CCDC174: variants seen among roughly 807,000 people sequenced by gnomAD.
The protein encoded by CCDC174 is coiled-coil domain-containing protein 174.
CCDC174 carries 37 observed loss-of-function variants against 57.1 expected under a neutral mutation model. The ratio of observed to expected loss-of-function variants is 0.65; its 90% confidence interval spans 0.50 to 0.85. CCDC174 has a LOEUF of 0.85. Ranked by LOEUF, CCDC174 falls within the 40% of genes least tolerant of loss-of-function variation. CCDC174 has a pLI of 0.00. For missense variants in CCDC174, 540 were observed against 574.3 expected (o/e 0.94, Z 0.61); for synonymous variants, 182 against 190.2 (o/e 0.96, Z 0.35).
chr3:14,665,883 A>G (rs1039331735), intron 6 of CCDC174, among the ~76,000 whole-genome samples: 23 of 151,790 alleles, frequency 1.5e-4, no homozygotes, highest in African/African-American at 5.6e-4. Context: ...ACAAAAAAAA[A>G]AAAAATTAGC....
chr3:14,669,849 T>C, intron 9 of CCDC174, 85 bp from the exon 10 acceptor site: 2 of 1,395,158 alleles, frequency 1.4e-6, no homozygotes, highest in Non-Finnish European at 2.0e-6. Flanking sequence ...TGGTTACTTT[T>C]ACTTTCAGGA....
Position 14,667,521 on chromosome 3 carries a change from A to G in CCDC174, c.819+3A>G. On this transcript the variant is annotated splice_donor_region_variant and intron_variant, in intron 8 of 10. Coordinates refer to ENST00000383794, the MANE Select transcript of CCDC174 (RefSeq NM_016474.5). Reference sequence around the variant, plus strand: ...CCTTAGAGATGCTGCGTGAACAGGTACAGATAAATCCCAAGTGACTGTGAG... The same window carrying G: ...CCTTAGAGATGCTGCGTGAACAGGTGCAGATAAATCCCAAGTGACTGTGAG... The G allele has an allele frequency of 6.2e-7, 1 of 1,609,556 alleles. No homozygotes were observed. The highest frequency in any genetic ancestry group is 8.5e-7 in the Non-Finnish European group (1 of 1,175,880).
intron 5 of CCDC174, among the ~76,000 whole-genome samples, 172 bp from the exon 6 acceptor site, chr3:14,664,856 T>C (rs1277071980): frequency 6.6e-6 from 1 of 152,230 alleles, no homozygotes; most frequent in Admixed American, 6.5e-5. Context: ...AATGAGCTTA[T>C]TGTGTGTCAG....
At chr3:14,666,372 C>T (rs910108338) in intron 6 of CCDC174, among the ~76,000 whole-genome samples, 6 of 152,194 alleles carry the variant, frequency 3.9e-5, no homozygotes, top group African/African-American at 1.4e-4. Flanking sequence ...CCTGTAATCC[C>T]AGCACTTTGG....
intron 1 of CCDC174, among the ~76,000 whole-genome samples, chr3:14,654,188 G>A (rs189002580): frequency 1.2e-4 from 19 of 152,276 alleles, no homozygotes; most frequent in East Asian, 3.9e-4. Flanking sequence ...GGAAAGCCTC[G>A]AGTGTTGAAA....
Position 14,658,893 on chromosome 3 carries a change from A to G in CCDC174, c.271A>G (p.Lys91Glu), listed in dbSNP as rs752139292. The change falls in exon 4 of 11, where the codon AAA becomes GAA. Residue 91 changes from lysine to glutamate, a missense_variant. Lys to Glu is a moderately conservative substitution (Grantham distance 56, BLOSUM62 1). Transcript: ENST00000383794. ...TAGGGAAAAATTGGAAGAAAAAGCC[A>G]AATTATATGAAAAAATGACTAAAGG... ...KAREKLEEKA[K>E]LYEKMTKGDF... is the part of the protein sequence containing the mutation. 1 of 1,532,850 alleles carries G rather than the reference A, an allele frequency of 6.5e-7. No individual in the cohort carries two copies. The highest frequency in any genetic ancestry group is 1.1e-5 in the South Asian group (1 of 89,434). 95.0% of individuals were successfully genotyped at this position (1,532,850 alleles called of 1,614,324 possible). A position where few individuals can be genotyped will look rare whatever the true frequency, so the allele number is the denominator to read the frequency against.
chr3:14,669,066 T>C (rs2031431290), intron 9 of CCDC174, among the ~76,000 whole-genome samples: 1 of 152,216 alleles, frequency 6.6e-6, no homozygotes, highest in African/African-American at 2.4e-5. Context: ...TACATCCTGC[T>C]GGCCAGAGCT....
chr3:14,670,738 A>G (rs969618479), intron 10 of CCDC174, among the ~76,000 whole-genome samples, 158 bp from the exon 11 acceptor site: 1 of 152,182 alleles, frequency 6.6e-6, no homozygotes, highest in African/African-American at 2.4e-5. Flanking sequence ...TGTAGGTATT[A>G]CTTATACCTT....
intron 5 of CCDC174, among the ~76,000 whole-genome samples, chr3:14,662,933 A>G (rs1467976627): frequency 6.6e-6 from 1 of 152,224 alleles, no homozygotes; most frequent in Non-Finnish European, 1.5e-5. Flanking sequence ...AAAAACTTAG[A>G]TCTAAATAGT....
At chr3:14,659,499 C>T (rs554684732) in intron 4 of CCDC174, among the ~76,000 whole-genome samples, 25 of 152,192 alleles carry the variant, frequency 1.6e-4, no homozygotes, top group African/African-American at 6.0e-4. Context: ...CCAGCCCGGG[C>T]AACATGGTGA....
chr3:14,668,152 A>G lies in CCDC174; in HGVS notation c.923A>G (p.Lys308Arg), dbSNP rs1415455111. 4 of 1,611,750 alleles carry G rather than the reference A, an allele frequency of 2.5e-6. No individual in the cohort carries two copies. Among genetic ancestry groups the G allele is most frequent in the Non-Finnish European group, 2.5e-6 (3 of 1,179,194 alleles). Residue 308 changes from lysine (K) to arginine (R), a missense_variant, in exon 9 of 11, where the codon AAA (lysine) becomes AGA (arginine). Lys to Arg is a conservative substitution (Grantham distance 26). Transcript: ENST00000383794. ...CGACAAAAAAAGATGAAAAAATCAAAAGAAGGTGGAACAGAAGAAGAAAAT... is the reference window on the plus strand; with the variant it reads ...CGACAAAAAAAGATGAAAAAATCAAGAGAAGGTGGAACAGAAGAAGAAAAT... ...KLRQKKMKKS[K>R]EGGTEEENRD...
chr3:14,671,074 C>T lies in CCDC174; in HGVS notation c.1284C>T (p.Ser428=), dbSNP rs776211840. ...ACCCAGGGCAGTGCCCTGACCAGAGCCACGGACCTAGCCCTGAACATACGT... is the reference window on the plus strand; with the variant it reads ...ACCCAGGGCAGTGCCCTGACCAGAGTCACGGACCTAGCCCTGAACATACGT... ...QSDPGQCPDQ[S]HGPSPEHTSP... Residue 428 remains serine (S), a synonymous_variant, in exon 11 of 11, where the codon AGC becomes AGT. Coordinates refer to ENST00000383794, the MANE Select transcript of CCDC174 (RefSeq NM_016474.5). 1 of 1,614,170 alleles carries T rather than the reference C, an allele frequency of 6.2e-7. No individual in the cohort carries two copies. The highest frequency in any genetic ancestry group is 1.1e-5 in the South Asian group (1 of 91,086).
intron 9 of CCDC174, among the ~76,000 whole-genome samples, 179 bp downstream of exon 9, chr3:14,668,360 A>G (rs926786790): frequency 1.2e-4 from 19 of 152,216 alleles, no homozygotes; most frequent in African/African-American, 4.3e-4. Flanking sequence ...AATGACATTC[A>G]ATATTTTTAG....
At chr3:14,655,439 A>G (rs755935591) in intron 2 of CCDC174, 90 bp from the exon 3 acceptor site, 184 of 748,172 alleles carry the variant, frequency 2.5e-4, no homozygotes, top group Non-Finnish European at 3.6e-4. Context: ...AGAACTCATG[A>G]TCTCCTTTGT....
intron 5 of CCDC174, among the ~76,000 whole-genome samples, chr3:14,662,282 A>G (rs908676523): frequency 1.3e-5 from 2 of 152,114 alleles, no homozygotes; most frequent in Admixed American, 1.3e-4. Flanking sequence ...ATCTTCCATT[A>G]TAAAATAGAG....
intron 1 of CCDC174, among the ~76,000 whole-genome samples, chr3:14,652,366 AGTT>A (rs556605759): frequency 1.3e-4 from 20 of 152,168 alleles, no homozygotes; most frequent in Non-Finnish European, 2.6e-4. Context: ...GGAACTAAAC[AGTT>A]GTTAATGCAG....
Position 14,651,762 on chromosome 3 carries a change from G to A in CCDC174, c.-75G>A. ...GTCGCTGTCGAAGACACTTCCGGTT[G>A]CGACGGAGGTAGGCTTACGAGGCCT... On this transcript the variant is annotated 5_prime_UTR_variant, in exon 1 of 11. Coordinates refer to ENST00000383794, the MANE Select transcript of CCDC174 (RefSeq NM_016474.5). 3.4e-6 allele frequency: 5 copies of A among 1,468,148 alleles called. No individual in the cohort carries two copies. Among genetic ancestry groups the A allele is most frequent in the Non-Finnish European group, 4.8e-6 (5 of 1,048,944 alleles). The allele number at this position is 1,468,148 out of a possible 1,614,324, so 90.9% of individuals were successfully genotyped here.
At chr3:14,661,427 G>C in intron 4 of CCDC174, 103 bp from the exon 5 acceptor site, 1 of 920,158 alleles carries the variant, frequency 1.1e-6, no homozygotes, top group South Asian at 1.6e-5. Context: ...CTGATGAGCT[G>C]TCAGGGGTGA....
chr3:14,661,109 G>T (rs1575070200), intron 4 of CCDC174, among the ~76,000 whole-genome samples: 1 of 152,174 alleles, frequency 6.6e-6, no homozygotes, highest in Admixed American at 6.5e-5. Context: ...TATAATCAGG[G>T]TTAGTGATCC....
Sources: gnomAD v4.1 joint callset for allele counts (sites outside exome capture counted in the v4.1 genomes callset) on GRCh38, gnomAD v4.1.1 for gene constraint, MANE v1.5 for transcripts, NCBI Gene and HGNC (gene_info 2026-07-23, HGNC 2026-07-21) for gene names.